VPS37B: variants seen among roughly 807,000 people sequenced by gnomAD.
VPS37B encodes VPS37B subunit of ESCRT-I.
Under a neutral mutation model 21.2 loss-of-function variants are expected in VPS37B, and 11 were observed. The observed-to-expected ratio is 0.52, with a 90% CI of 0.33 to 0.86. The LOEUF (loss-of-function observed/expected upper bound fraction) is 0.86, where lower values mean the gene tolerates loss of function less well. VPS37B is among the 40% of genes least tolerant of loss of function. The probability of loss-of-function intolerance (pLI) is 0.03; values close to 1 mark genes in which losing one functional copy is unlikely to be tolerated. For missense variants in VPS37B, 389 were observed against 374.8 expected (o/e 1.04, Z -0.31); for synonymous variants, 175 against 159.6 (o/e 1.10, Z -0.73).
rs527634728 is a variant in VPS37B, at chr12:122,870,721, G to C, written c.283+169C>G. On this transcript the variant is annotated intron_variant, in intron 2 of 3. Transcript: ENST00000267202. Reference sequence around the variant, plus strand: ...CTCCAGTCTGACAGAGCAAGACCCTGTCTCTAAAAATAAATAAATAATATA... The same window carrying C: ...CTCCAGTCTGACAGAGCAAGACCCTCTCTCTAAAAATAAATAAATAATATA... The C allele has an allele frequency of 1.7e-3, 1,188 of 689,554 alleles. 27 individuals are homozygous for C. In the South Asian group the frequency reaches 0.024, roughly 14 times the overall value. The allele number at this position is 689,554 out of a possible 1,614,324, so 42.7% of individuals were successfully genotyped here. A position where few individuals can be genotyped will look rare whatever the true frequency, so the allele number is the denominator to read the frequency against.
At chr12:122,894,348 G>A (rs1009051367) in intron 1 of VPS37B, among the ~76,000 whole-genome samples, 3 of 152,222 alleles carry the variant, frequency 2.0e-5, no homozygotes, top group African/African-American at 7.2e-5. Flanking sequence ...CAAAGCCCAT[G>A]AATACAAGGG....
At chr12:122,873,922 A>T (rs1490880640) in intron 1 of VPS37B, 2 of 152,262 alleles carry the variant, frequency 1.3e-5, no homozygotes, top group Non-Finnish European at 2.9e-5. Flanking sequence ...AAAAAAGCCA[A>T]GATTCACTCA....
At chr12:122,870,681 G>C (rs2034006789) in intron 2 of VPS37B, 2 of 482,816 alleles carry the variant, frequency 4.1e-6, no homozygotes, top group Non-Finnish European at 7.1e-6. Context: ...GCTGAGCCAT[G>C]GTTGCGCCAC....
At chr12:122,872,085 T>C (rs2034050051) in intron 1 of VPS37B, 2 of 985,314 alleles carry the variant, frequency 2.0e-6, no homozygotes, top group Non-Finnish European at 2.4e-6. Flanking sequence ...ACCCAGGCTA[T>C]TTTTGCTGCG....
In VPS37B at chr12:122,866,958, C is replaced by T. The variant is rs1455398718; in HGVS notation, c.*158G>A. ...GCCTTGATGCCCAAAGCCTGGGCTC[C>T]TACTACTCACCACTGACCTACAGTT... On this transcript the variant is annotated 3_prime_UTR_variant, in exon 4 of 4. Coordinates refer to ENST00000267202, the MANE Select transcript of VPS37B (RefSeq NM_024667.3). 4.3e-6 allele frequency: 4 copies of T among 928,918 alleles called. No homozygotes were observed. The East Asian group carries it at 8.9e-5, about 21-fold the overall frequency. The allele number at this position is 928,918 out of a possible 1,614,324, so 57.5% of individuals were successfully genotyped here.
intron 1 of VPS37B, among the ~76,000 whole-genome samples, chr12:122,891,477 T>C (rs2034409760): frequency 6.6e-6 from 1 of 152,228 alleles, no homozygotes; most frequent in Non-Finnish European, 1.5e-5. Flanking sequence ...TTCCATGAAA[T>C]CTTGATGCCT....
Position 122,877,811 on chromosome 12 carries a change from T to A in VPS37B, c.112-6750A>T, listed in dbSNP as rs572446650. On this transcript the variant is annotated intron_variant, in intron 1 of 3. Coordinates refer to ENST00000267202, the MANE Select transcript of VPS37B (RefSeq NM_024667.3). ...GAGATACAATTCACACCTCATACAA[T>A]CCATCTACTGAAACCATTCCACTCA... 10 of 152,114 alleles carry A rather than the reference T, an allele frequency of 6.6e-5. No individual in the cohort carries two copies. The East Asian group carries it at 1.9e-3, about 29-fold the overall frequency. 9.4% of individuals were successfully genotyped at this position (152,114 alleles called of 1,614,324 possible).
intron 1 of VPS37B, chr12:122,888,636 G>C (rs2034362423): frequency 2.2e-6 from 1 of 455,876 alleles, no homozygotes; most frequent in South Asian, 1.5e-5. Flanking sequence ...CGACCGACCG[G>C]TGAGGGTCAA....
intron 1 of VPS37B, chr12:122,884,816 C>A (rs2034298690): frequency 6.6e-6 from 1 of 152,096 alleles, no homozygotes. Context: ...TCTCTATTTC[C>A]TTTTTACAAT....
chr12:122,886,800 T>C (rs892575912), intron 1 of VPS37B: 9 of 152,312 alleles, frequency 5.9e-5, no homozygotes, highest in Non-Finnish European at 8.8e-5. Flanking sequence ...ATACGCATCA[T>C]CTTATTTAAT....
chr12:122,875,587 A>T (rs912159418), intron 1 of VPS37B: 3 of 152,052 alleles, frequency 2.0e-5, no homozygotes, highest in Admixed American at 2.0e-4. Context: ...TTTCATTGTT[A>T]CAGTTGGAAA....
Position 122,866,993 on chromosome 12 carries a change from GAC to G in VPS37B, c.*121_*122del, listed in dbSNP as rs2033913103. On this transcript the variant is annotated 3_prime_UTR_variant, in exon 4 of 4. Transcript: ENST00000267202. ...CCACTGACCTACAGTTCTAAAATCAGACAGACACGCTGGCCCAGGGCCCCAGA... is the reference window on the plus strand; with the variant it reads ...CCACTGACCTACAGTTCTAAAATCAGAGACACGCTGGCCCAGGGCCCCAGA... 2 of 1,279,510 alleles carry G rather than the reference GAC, an allele frequency of 1.6e-6. No individual in the cohort carries two copies. Among genetic ancestry groups the G allele is most frequent in the Non-Finnish European group, 2.1e-6 (2 of 971,998 alleles). The allele number at this position is 1,279,510 out of a possible 1,614,324, so 79.3% of individuals were successfully genotyped here.
intron 1 of VPS37B, chr12:122,880,881 G>C (rs565549830): frequency 2.5e-4 from 38 of 152,324 alleles, no homozygotes; most frequent in African/African-American, 8.2e-4. Context: ...GTCTGGCTCA[G>C]AGTCTCAGTC....
intron 1 of VPS37B, among the ~76,000 whole-genome samples, chr12:122,891,461 C>T (rs564828289): frequency 3.9e-5 from 6 of 152,304 alleles, no homozygotes; most frequent in East Asian, 1.9e-4. Context: ...AACTCAGCTC[C>T]GTGCTTTCCA....
chr12:122,888,469 T>G (rs1048787334), intron 1 of VPS37B: 4 of 446,052 alleles, frequency 9.0e-6, no homozygotes, highest in African/African-American at 2.0e-5. Context: ...CGCCAGTGAT[T>G]ACCTACGAGT....
intron 1 of VPS37B, among the ~76,000 whole-genome samples, chr12:122,893,519 C>G (rs1024563949): frequency 6.6e-6 from 1 of 152,170 alleles, no homozygotes; most frequent in Non-Finnish European, 1.5e-5. Flanking sequence ...TTACCCCCAA[C>G]ATAAGCCAAT....
At chr12:122,870,843 C>T (rs763933231) in intron 2 of VPS37B, 47 bp downstream of exon 2, 5 of 1,552,056 alleles carry the variant, frequency 3.2e-6, no homozygotes, top group Non-Finnish European at 3.5e-6. Context: ...GAAAATGTGT[C>T]CTTCTCTCAA....
chr12:122,869,805 C>T (rs1225094665), intron 2 of VPS37B, among the ~76,000 whole-genome samples: 1 of 151,900 alleles, frequency 6.6e-6, no homozygotes, highest in African/African-American at 2.4e-5. Context: ...TACAGGGCTG[C>T]AATCATGGCT....
intron 1 of VPS37B, 58 bp from the exon 2 acceptor site, chr12:122,871,119 A>G: frequency 6.3e-7 from 1 of 1,589,610 alleles, no homozygotes; most frequent in Non-Finnish European, 8.6e-7. Context: ...TAAACCCCTG[A>G]GGTCCCCACG....
Sources: allele counts gnomAD v4.1 joint callset (sites outside exome capture counted in the v4.1 genomes callset), GRCh38; gene constraint gnomAD v4.1.1; transcripts MANE v1.5; gene names NCBI Gene and HGNC (gene_info 2026-07-23, HGNC 2026-07-21).